The following GRM5 variants were observed in gnomAD, a reference collection of about 807,000 sequenced individuals.
The protein encoded by GRM5 is glutamate metabotropic receptor 5.
GRM5 carries 19 observed loss-of-function variants against 83.1 expected under a neutral mutation model. The ratio of observed to expected loss-of-function variants is 0.23; its 90% CI spans 0.16 to 0.34. GRM5 has a LOEUF of 0.34. Among genes scored for constraint, GRM5 ranks in the 10% least tolerant of loss-of-function variants. GRM5 has a pLI of 1.00. For missense variants in GRM5, 1,160 were observed against 1,588.3 expected, an observed-to-expected ratio of 0.73 and a Z score of 4.58; for synonymous variants, 675 against 633.6, an observed-to-expected ratio of 1.07 and a Z score of -0.98.
chr11:88,793,841 T>C (rs1454881055), intron 3 of GRM5, among the ~76,000 whole-genome samples: 1 of 152,086 alleles, frequency 6.6e-6, no homozygotes, highest in Non-Finnish European at 1.5e-5. Context: ...TGTTTGTTTT[T>C]GTAGAGACAG....
intron 2 of GRM5, among the ~76,000 whole-genome samples, chr11:88,913,563 CT>C (rs5793357): frequency 0.56 from 80,734 of 144,590 alleles, 22,868 homozygotes; most frequent in South Asian, 0.66. Flanking sequence ...TCCATATCTT[CT>C]TTTTTTTTCC....
At chr11:88,592,235 C>T (rs1011250333) in intron 6 of GRM5, among the ~76,000 whole-genome samples, 8 of 152,142 alleles carry the variant, frequency 5.3e-5, no homozygotes, top group Middle Eastern at 3.2e-3. Flanking sequence ...TTAACTGGAC[C>T]TGTTGCTTTT....
chr11:88,661,963 T>C (rs1939919272), intron 3 of GRM5, among the ~76,000 whole-genome samples: 1 of 152,150 alleles, frequency 6.6e-6, no homozygotes, highest in Admixed American at 6.6e-5. Flanking sequence ...AAAATCAACT[T>C]ATTTCTGAGG....
At chr11:88,700,365 A>G (rs563118796) in intron 3 of GRM5, among the ~76,000 whole-genome samples, 1 of 152,208 alleles carries the variant, frequency 6.6e-6, no homozygotes, top group Non-Finnish European at 1.5e-5. Context: ...GAGAGTAGCT[A>G]TGGGTGATAC....
At chr11:88,657,188 G>A (rs528351384) in intron 3 of GRM5, among the ~76,000 whole-genome samples, 1 of 152,148 alleles carries the variant, frequency 6.6e-6, no homozygotes, top group Non-Finnish European at 1.5e-5. Context: ...TGTGACTAAA[G>A]GCTCACAGCA....
chr11:88,789,890 T>G (rs1943141260), intron 3 of GRM5, among the ~76,000 whole-genome samples: 1 of 152,176 alleles, frequency 6.6e-6, no homozygotes, highest in African/African-American at 2.4e-5. Flanking sequence ...AGTCCCACTC[T>G]GTTGCCCAGG....
At chr11:88,812,436 C>A (rs1943604071) in intron 3 of GRM5, among the ~76,000 whole-genome samples, 1 of 151,982 alleles carries the variant, frequency 6.6e-6, no homozygotes, top group African/African-American at 2.4e-5. Flanking sequence ...GCAATTAAGA[C>A]CTGGAAATGT....
At chr11:88,849,167 A>G (rs1164050093) in intron 3 of GRM5, among the ~76,000 whole-genome samples, 1 of 152,056 alleles carries the variant, frequency 6.6e-6, no homozygotes, top group Non-Finnish European at 1.5e-5. Flanking sequence ...ACACACACAC[A>G]TATGTATATA....
intron 3 of GRM5, among the ~76,000 whole-genome samples, chr11:88,764,400 A>G (rs1453200185): frequency 2.0e-5 from 3 of 151,670 alleles, no homozygotes; most frequent in Non-Finnish European, 3.0e-5. Context: ...CACAACATAG[A>G]CATTGTTTTT....
At position 88,774,209 on chromosome 11, in the gene GRM5, TA is replaced by T. The variant is rs1361486816; in HGVS notation, c.911+75696del. Among the ~76,000 whole-genome samples, 46 of 152,228 alleles carry T rather than the reference TA, an allele frequency of 3.0e-4. 1 individual carries two copies. The highest frequency in any genetic ancestry group is 2.6e-3 in the Admixed American group (40 of 15,270). On this transcript the variant is annotated intron_variant, in intron 3 of 9. Coordinates refer to ENST00000305447, the MANE Select transcript of GRM5 (RefSeq NM_001143831.3). ...ATTCCTAGGCATTTTATTCCCTTTG[TA>T]GCAACTGTGAATGGGAGTTCACACA...
At chr11:88,941,159 G>A (rs2135665387) in intron 2 of GRM5, among the ~76,000 whole-genome samples, 1 of 151,544 alleles carries the variant, frequency 6.6e-6, no homozygotes, top group East Asian at 2.0e-4. Flanking sequence ...TCATACTGAG[G>A]CAAATAAAAG....
intron 3 of GRM5, among the ~76,000 whole-genome samples, chr11:88,688,774 G>A (rs1005052788): frequency 6.6e-6 from 1 of 151,974 alleles, no homozygotes; most frequent in East Asian, 1.9e-4. Flanking sequence ...TATATTCATA[G>A]TTGCATAGTA....
chr11:89,008,042 G>T (rs1470226732), intron 2 of GRM5, among the ~76,000 whole-genome samples: 1 of 152,030 alleles, frequency 6.6e-6, no homozygotes, highest in East Asian at 1.9e-4. Context: ...TACTCAGAAA[G>T]AAACTATCTT....
At chr11:88,712,546 C>T (rs2135385641) in intron 3 of GRM5, among the ~76,000 whole-genome samples, 1 of 152,122 alleles carries the variant, frequency 6.6e-6, no homozygotes, top group African/African-American at 2.4e-5. Flanking sequence ...ATCATCTTAA[C>T]ATCTTACTTG....
chr11:88,706,879 T>C (rs1043895559), intron 3 of GRM5, among the ~76,000 whole-genome samples: 3 of 151,606 alleles, frequency 2.0e-5, no homozygotes, highest in African/African-American at 7.3e-5. Context: ...AAATGACAAA[T>C]GAATGGTGTT....
rs1943127290 is a variant in GRM5 at position 88,789,246 on chromosome 11, G to A, written c.911+60660C>T. On this transcript the variant is annotated intron_variant, in intron 3 of 9. Coordinates refer to ENST00000305447, the MANE Select transcript of GRM5 (RefSeq NM_001143831.3). ...TTAATCTGTGAGTGACAGGTGAATG[G>A]CAATCCACAAAGTAGAGGATAATAC... Among the ~76,000 whole-genome samples the A allele has an allele frequency of 4.6e-5, 7 of 152,076 alleles. No individual in the cohort carries two copies. In the South Asian group the frequency reaches 1.4e-3, roughly 31 times the overall value.
At chr11:88,746,557 A>G (rs372446820) in intron 3 of GRM5, among the ~76,000 whole-genome samples, 1 of 104,112 alleles carries the variant, frequency 9.6e-6, no homozygotes, top group Admixed American at 1.1e-4. Context: ...TTTGGCCTCA[A>G]TGATTCTGGA....
chr11:88,715,384 T>A (rs1454946588), intron 3 of GRM5, among the ~76,000 whole-genome samples: 1 of 151,692 alleles, frequency 6.6e-6, no homozygotes, highest in Non-Finnish European at 1.5e-5. Context: ...GCAAGACATA[T>A]GATTCTTCAA....
intron 2 of GRM5, among the ~76,000 whole-genome samples, chr11:89,004,266 G>A (rs558553089): frequency 6.6e-6 from 1 of 152,236 alleles, no homozygotes; most frequent in African/African-American, 2.4e-5. Flanking sequence ...TCTAAGGTAG[G>A]TTTTTCATTT....
Sources: gnomAD v4.1 joint callset for allele counts (sites outside exome capture counted in the v4.1 genomes callset) on GRCh38, gnomAD v4.1.1 for gene constraint, MANE v1.5 for transcripts, NCBI Gene and HGNC (gene_info 2026-07-23, HGNC 2026-07-21) for gene names.